Variants in IRAK2 observed in about 807,000 individuals in gnomAD.
IRAK2 encodes the protein interleukin 1 receptor associated kinase 2.
In IRAK2, 57 loss-of-function variants were observed where a neutral mutation model predicts 72.0. The observed-to-expected ratio is 0.79, with a 90% confidence interval of 0.64 to 0.99. The LOEUF (loss-of-function observed/expected upper bound fraction) is 0.99, where lower values mean the gene tolerates loss of function less well. IRAK2 is among the 50% of genes least tolerant of loss of function. The pLI is 0.00. For synonymous variants in IRAK2, 293 were observed against 312.7 expected, an observed-to-expected ratio of 0.94 and a Z score of 0.67; for missense variants, 790 against 794.4, an observed-to-expected ratio of 0.99 and a Z score of 0.07.
chr3:10,167,167 T>C (rs1239948855), intron 1 of IRAK2, among the ~76,000 whole-genome samples: 1 of 152,344 alleles, frequency 6.6e-6, no homozygotes. Flanking sequence ...TACAATTTAG[T>C]GGTATTTAGT....
intron 2 of IRAK2, among the ~76,000 whole-genome samples, chr3:10,189,210 G>A (rs1697134401): frequency 6.6e-6 from 1 of 152,226 alleles, no homozygotes; most frequent in African/African-American, 2.4e-5. Flanking sequence ...GTTTCTCTGA[G>A]GCAGTGAAAC....
chr3:10,238,732 C>G lies in IRAK2; in HGVS notation c.1474-16C>G. ...GAGAATTCCTGATGAGCTCCCTTCT[C>G]TCTCTTCTCCCAAAGGTGTGTGGCT... On this transcript the variant is annotated splice_polypyrimidine_tract_variant and intron_variant, in intron 11 of 12. Transcript: ENST00000256458. 3.1e-6 allele frequency: 5 copies of G among 1,609,576 alleles called. No individual in the cohort carries two copies. The highest frequency in any genetic ancestry group is 4.2e-6 in the Non-Finnish European group (5 of 1,177,300).
At chr3:10,235,306 C>CTT (rs879313750) in intron 11 of IRAK2, among the ~76,000 whole-genome samples, 1 of 146,954 alleles carries the variant, frequency 6.8e-6, no homozygotes, top group Non-Finnish European at 1.5e-5. Flanking sequence ...ACTGCTTGAT[C>CTT]TTTTTTTTTT....
At chr3:10,231,643 C>A (rs539934324) in intron 10 of IRAK2, among the ~76,000 whole-genome samples, 1 of 151,880 alleles carries the variant, frequency 6.6e-6, no homozygotes, top group East Asian at 1.9e-4. Flanking sequence ...CCAAAAATGT[C>A]CATATATTAC....
At chr3:10,192,023 AGTGTGTGTGTGTGTGTGT>A (rs56802078) in intron 2 of IRAK2, among the ~76,000 whole-genome samples, 2 of 135,710 alleles carry the variant, frequency 1.5e-5, no homozygotes, top group South Asian at 2.4e-4. Flanking sequence ...TTGAGTTGGG[AGTGTGTGTGTGTGTGTGT>A]GTGTGTGTGT....
Position 10,238,730 on chromosome 3 carries a change from C to G in IRAK2, c.1474-18C>G, listed in dbSNP as rs1426173098. The stretch of plus-strand genomic sequence containing the variant: ...GAGAGAATTCCTGATGAGCTCCCTT[C>G]TCTCTCTTCTCCCAAAGGTGTGTGG... On this transcript the variant is annotated intron_variant, in intron 11 of 12. Transcript: ENST00000256458. The G allele has an allele frequency of 6.2e-7, 1 of 1,608,736 alleles. No homozygotes were observed.
intron 7 of IRAK2, among the ~76,000 whole-genome samples, chr3:10,218,704 T>C (rs1420136222): frequency 1.3e-5 from 2 of 152,208 alleles, no homozygotes; most frequent in Admixed American, 6.5e-5. Flanking sequence ...ATTGAGCACC[T>C]ACTGTGTGGC....
chr3:10,242,017 CAG>C, intron 12 of IRAK2, 97 bp from the exon 13 acceptor site: 1 of 649,554 alleles, frequency 1.5e-6, no homozygotes, highest in East Asian at 2.8e-5. Flanking sequence ...TCATTACACT[CAG>C]GGCCTGATTC....
chr3:10,216,255 G>A (rs1575979662), intron 6 of IRAK2, among the ~76,000 whole-genome samples: 2 of 152,252 alleles, frequency 1.3e-5, no homozygotes, highest in Non-Finnish European at 2.9e-5. Flanking sequence ...GTGCCTTTCT[G>A]GGATAATAAA....
At chr3:10,237,025 G>C (rs866893039) in intron 11 of IRAK2, among the ~76,000 whole-genome samples, 14 of 152,198 alleles carry the variant, frequency 9.2e-5, no homozygotes, top group African/African-American at 3.4e-4. Context: ...CTGCAATCCA[G>C]CCAGTGAAAG....
chr3:10,195,878 C>G (rs1697255293), intron 2 of IRAK2, among the ~76,000 whole-genome samples: 1 of 152,128 alleles, frequency 6.6e-6, no homozygotes, highest in South Asian at 2.1e-4. Context: ...AGCATAAGCC[C>G]CACTTGAGGC....
At chr3:10,177,669 C>T (rs1228856887) in intron 1 of IRAK2, among the ~76,000 whole-genome samples, 169 bp from the exon 2 acceptor site, 2 of 152,182 alleles carry the variant, frequency 1.3e-5, no homozygotes, top group Non-Finnish European at 2.9e-5. Context: ...GCAGAGTCAG[C>T]GTTGTAACTT....
intron 10 of IRAK2, among the ~76,000 whole-genome samples, chr3:10,233,926 G>A (rs1697907351): frequency 6.6e-6 from 1 of 152,028 alleles, no homozygotes; most frequent in Non-Finnish European, 1.5e-5. Flanking sequence ...TCAGCTCATT[G>A]CAGCCTCCGC....
intron 2 of IRAK2, among the ~76,000 whole-genome samples, chr3:10,184,717 T>TTGTG (rs1160738944): frequency 4.8e-5 from 6 of 125,760 alleles, no homozygotes; most frequent in Admixed American, 1.8e-4. Context: ...TGTGGAGTTT[T>TTGTG]TGTGTGTTTT....
At position 10,177,901 on chromosome 3, in the gene IRAK2, G is replaced by A; in HGVS notation, c.158G>A (p.Gly53Asp). ...ATCAAGTCCATGGAGCGGGTGCAGG[G>A]TGTGAGCATCACGCGGGAGCTGCTG... ...RKIKSMERVQ[G>D]VSITRELLWW... Residue 53 changes from glycine to aspartate, a missense_variant, in exon 2 of 13, where the codon GGT becomes GAT. Gly to Asp is a moderately conservative substitution (Grantham distance 94). Transcript: ENST00000256458. 6.2e-7 allele frequency: 1 copy of A among 1,613,890 alleles called. No homozygotes were observed. The highest frequency in any genetic ancestry group is 8.5e-7 in the Non-Finnish European group (1 of 1,180,036).
chr3:10,167,953 G>C (rs1055675444), intron 1 of IRAK2, among the ~76,000 whole-genome samples: 1 of 152,096 alleles, frequency 6.6e-6, no homozygotes, highest in Non-Finnish European at 1.5e-5. Flanking sequence ...GTGCACTGCT[G>C]CACCCAGCTA....
intron 11 of IRAK2, among the ~76,000 whole-genome samples, chr3:10,238,100 A>G (rs1025357622): frequency 6.6e-6 from 1 of 152,100 alleles, no homozygotes; most frequent in Non-Finnish European, 1.5e-5. Context: ...TCTTACACAC[A>G]CACACGTGCA....
intron 3 of IRAK2, among the ~76,000 whole-genome samples, chr3:10,205,585 CA>C (rs1423338865): frequency 6.6e-6 from 1 of 152,204 alleles, no homozygotes; most frequent in Non-Finnish European, 1.5e-5. Flanking sequence ...TGTGCAGAGA[CA>C]GCCCTGCCCT....
At chr3:10,187,684 C>G (rs1321151760) in intron 2 of IRAK2, among the ~76,000 whole-genome samples, 1 of 152,190 alleles carries the variant, frequency 6.6e-6, no homozygotes. Flanking sequence ...CGTCCTGCAG[C>G]AAAGAAACTT....
Sources: gnomAD v4.1 joint callset for allele counts (sites outside exome capture counted in the v4.1 genomes callset) on GRCh38, gnomAD v4.1.1 for gene constraint, MANE v1.5 for transcripts, NCBI Gene and HGNC (gene_info 2026-07-23, HGNC 2026-07-21) for gene names.